Variants in RALGAPA2 observed in about 807,000 individuals in gnomAD.
RALGAPA2 encodes the protein ral GTPase-activating protein subunit alpha-2.
Under a neutral mutation model 230.4 loss-of-function variants are expected in RALGAPA2, and 139 were observed. That is an observed-to-expected ratio of 0.60 (90% CI 0.53 to 0.69). The LOEUF (loss-of-function observed/expected upper bound fraction) is 0.69. Among genes scored for constraint, RALGAPA2 ranks in the 30% least tolerant of loss-of-function variants. RALGAPA2 has a pLI of 0.00. For synonymous variants in RALGAPA2, 847 were observed against 837.8 expected (o/e 1.01, Z -0.19); for missense variants, 2,163 against 2,276.0 (o/e 0.95, Z 1.01).
At chr20:20,524,929 G>A (rs1329652252) in intron 28 of RALGAPA2, 31 bp from the exon 29 acceptor site, 1 of 1,566,176 alleles carries the variant, frequency 6.4e-7, no homozygotes, top group East Asian at 2.3e-5. Flanking sequence ...CAATCAAACA[G>A]ACCATATTTG....
intron 20 of RALGAPA2, among the ~76,000 whole-genome samples, chr20:20,575,929 G>A (rs950093966): frequency 1.3e-5 from 2 of 151,776 alleles, no homozygotes; most frequent in Non-Finnish European, 2.9e-5. Flanking sequence ...GAATAAGTGG[G>A]GCTATTTGTG....
chr20:20,653,187 C>T (rs1399821572), intron 4 of RALGAPA2, among the ~76,000 whole-genome samples: 1 of 115,030 alleles, frequency 8.7e-6, no homozygotes, highest in African/African-American at 3.2e-5. Context: ...CAGAGCAAGA[C>T]TCCATCTCAA....
At chr20:20,394,331 T>C (rs367561379) in intron 39 of RALGAPA2, among the ~76,000 whole-genome samples, 2 of 152,126 alleles carry the variant, frequency 1.3e-5, no homozygotes, top group Non-Finnish European at 2.9e-5. Context: ...GCCTCCCTTC[T>C]TCTAGGCTCA....
intron 37 of RALGAPA2, among the ~76,000 whole-genome samples, chr20:20,419,509 T>C (rs536933306): frequency 7.3e-4 from 111 of 152,196 alleles, no homozygotes; most frequent in Non-Finnish European, 1.1e-3. Flanking sequence ...TAGACCAGAA[T>C]GTCAGAGCTC....
chr20:20,431,897 T>C (rs1465789618), intron 37 of RALGAPA2, among the ~76,000 whole-genome samples: 1 of 152,188 alleles, frequency 6.6e-6, no homozygotes, highest in Non-Finnish European at 1.5e-5. Flanking sequence ...GAGGCCTGTG[T>C]CCCGGGTTTT....
chr20:20,554,595 A>G (rs1196152456), intron 23 of RALGAPA2, among the ~76,000 whole-genome samples: 1 of 152,004 alleles, frequency 6.6e-6, no homozygotes, highest in Non-Finnish European at 1.5e-5. Context: ...TTTGTTGCTA[A>G]GTTATAAGAC....
At chr20:20,577,284 G>A (rs148143935) in intron 20 of RALGAPA2, among the ~76,000 whole-genome samples, 67 of 152,178 alleles carry the variant, frequency 4.4e-4, no homozygotes, top group Non-Finnish European at 5.9e-4. Flanking sequence ...AGGAGGGCAG[G>A]TCCAAAAATG....
intron 36 of RALGAPA2, among the ~76,000 whole-genome samples, chr20:20,476,944 G>T (rs140453309): frequency 5.9e-4 from 89 of 152,112 alleles, no homozygotes; most frequent in African/African-American, 2.0e-3. Flanking sequence ...CAAATATAAT[G>T]ACAAGTGAAA....
intron 36 of RALGAPA2, among the ~76,000 whole-genome samples, chr20:20,482,332 G>A (rs2061797407): frequency 6.6e-6 from 1 of 152,120 alleles, no homozygotes; most frequent in Admixed American, 6.5e-5. Context: ...AAGGCAAAAG[G>A]GAAAAAAAGC....
intron 16 of RALGAPA2, among the ~76,000 whole-genome samples, chr20:20,592,060 C>G (rs949082712): frequency 6.6e-6 from 1 of 152,140 alleles, no homozygotes; most frequent in African/African-American, 2.4e-5. Flanking sequence ...GAATTATCAC[C>G]CCACCCTCTC....
intron 37 of RALGAPA2, among the ~76,000 whole-genome samples, chr20:20,418,388 G>C (rs181911824): frequency 1.2e-4 from 19 of 152,308 alleles, no homozygotes; most frequent in African/African-American, 4.3e-4. Context: ...CCAAGAACCT[G>C]CTGCTGGGAG....
At chr20:20,408,794 A>T (rs868743635) in intron 38 of RALGAPA2, among the ~76,000 whole-genome samples, 49 of 152,194 alleles carry the variant, frequency 3.2e-4, no homozygotes, top group Admixed American at 9.8e-4. Flanking sequence ...AAACATATAT[A>T]TGTTAATTGC....
chr20:20,444,605 A>G (rs2060817935), intron 37 of RALGAPA2, among the ~76,000 whole-genome samples: 2 of 152,088 alleles, frequency 1.3e-5, no homozygotes, highest in South Asian at 4.1e-4. Flanking sequence ...TGGAAGGATA[A>G]CTCCTCTCCT....
chr20:20,707,187 G>T (rs2069640755), intron 1 of RALGAPA2, among the ~76,000 whole-genome samples: 1 of 152,094 alleles, frequency 6.6e-6, no homozygotes, highest in Non-Finnish European at 1.5e-5. Context: ...TTATAAAAAG[G>T]TGTTTATTGG....
chr20:20,635,291 T>TA, intron 9 of RALGAPA2, 127 bp downstream of exon 9: 2 of 1,009,262 alleles, frequency 2.0e-6, no homozygotes, highest in African/African-American at 1.6e-5. Flanking sequence ...GGTAGGCCAA[T>TA]AAAATCACTT....
intron 2 of RALGAPA2, 60 bp downstream of exon 2, chr20:20,680,631 T>C (rs1296364670): frequency 2.2e-5 from 33 of 1,467,202 alleles, no homozygotes; most frequent in Non-Finnish European, 2.9e-5. Flanking sequence ...TGGCTCATGA[T>C]ATATACAACT....
At chr20:20,635,667 T>A in intron 8 of RALGAPA2, 50 bp from the exon 9 acceptor site, 1 of 1,393,476 alleles carries the variant, frequency 7.2e-7, no homozygotes, top group Non-Finnish European at 9.7e-7. Context: ...ATCATAACAT[T>A]AAGTAATCCC....
chr20:20,428,109 G>C (rs1414513813), intron 37 of RALGAPA2, among the ~76,000 whole-genome samples: 1 of 152,090 alleles, frequency 6.6e-6, no homozygotes, highest in Non-Finnish European at 1.5e-5. Flanking sequence ...TATATTCTGG[G>C]ATAATTCTAC....
chr20:20,477,876 C>G (rs1408016655), intron 36 of RALGAPA2, among the ~76,000 whole-genome samples: 1 of 152,202 alleles, frequency 6.6e-6, no homozygotes, highest in Non-Finnish European at 1.5e-5. Flanking sequence ...GCATGAGCCA[C>G]TGTGCCCGGC....
Sources: gnomAD v4.1 joint callset for allele counts (sites outside exome capture counted in the v4.1 genomes callset) on GRCh38, gnomAD v4.1.1 for gene constraint, MANE v1.5 for transcripts, NCBI Gene and HGNC (gene_info 2026-07-23, HGNC 2026-07-21) for gene names.